C11orf54: variants seen among roughly 807,000 people sequenced by gnomAD.
C11orf54 encodes beta-keto-L-gulonate decarboxylase.
Under a neutral mutation model 35.5 loss-of-function variants are expected in C11orf54, and 29 were observed. That is an observed-to-expected ratio of 0.82 (90% CI 0.61 to 1.11). The LOEUF is 1.11. Ranked by LOEUF, C11orf54 falls within the 50% of genes most tolerant of loss-of-function variation. The pLI, the probability that C11orf54 is intolerant of heterozygous loss-of-function variation, is 0.00. For missense variants in C11orf54, 373 were observed against 369.2 expected, an observed-to-expected ratio of 1.01 and a Z score of -0.08; for synonymous variants, 108 against 121.1, an observed-to-expected ratio of 0.89 and a Z score of 0.71.
chr11:93,763,368 G>A lies in C11orf54; in HGVS notation c.*1680G>A, dbSNP rs1432557563. ...ATGCTATGAAAAGAAAGGAGTAGAT[G>A]GACTGTAAAGGAGGATGCTATTTTT... On this transcript the variant is annotated 3_prime_UTR_variant, in exon 9 of 9. Coordinates refer to ENST00000354421, the MANE Select transcript of C11orf54 (RefSeq NM_001286069.2). 1 of 152,092 alleles carries A rather than the reference G, an allele frequency of 6.6e-6. No individual in the cohort carries two copies. The highest frequency in any genetic ancestry group is 1.5e-5 in the Non-Finnish European group (1 of 68,016). The allele number at this position is 152,092 out of a possible 1,614,324, so 9.4% of individuals were successfully genotyped here.
At chr11:93,744,242 TCCCTAATAAGTAC>T (rs552942492) in intron 1 of C11orf54, among the ~76,000 whole-genome samples, 165 of 152,274 alleles carry the variant, frequency 1.1e-3, no homozygotes, top group Non-Finnish European at 2.0e-3. Context: ...TATCCACTAA[TCCCTAATAAGTAC>T]CCCTAATAAG....
intron 8 of C11orf54, among the ~76,000 whole-genome samples, chr11:93,761,139 A>G (rs183249198): frequency 3.0e-4 from 45 of 152,370 alleles, no homozygotes; most frequent in African/African-American, 1.1e-3. Flanking sequence ...ATGCAGGTAT[A>G]AAAGAATGAG....
rs928426390 is a variant in C11orf54, at chr11:93,763,021, G to C, written c.*1333G>C. 6.6e-6 allele frequency: 1 copy of C among 152,116 alleles called. No homozygotes were observed. The highest frequency in any genetic ancestry group is 1.5e-5 in the Non-Finnish European group (1 of 68,026). The allele number at this position is 152,116 out of a possible 1,614,324, so 9.4% of individuals were successfully genotyped here. ...TTTGGATGTTAGCTATGTCTTGTGA[G>C]TATAAATTCCAATTTTAAGCACTAT... On this transcript the variant is annotated 3_prime_UTR_variant, in exon 9 of 9. Coordinates refer to ENST00000354421, the MANE Select transcript of C11orf54 (RefSeq NM_001286069.2).
intron 5 of C11orf54, among the ~76,000 whole-genome samples, chr11:93,754,690 G>A (rs528245622): frequency 1.3e-5 from 2 of 149,280 alleles, no homozygotes; most frequent in South Asian, 4.2e-4. Context: ...GATATTTAAC[G>A]CAAGTTATAG....
intron 2 of C11orf54, among the ~76,000 whole-genome samples, chr11:93,748,422 ACAGG>A (rs1211887204): frequency 3.3e-5 from 5 of 152,138 alleles, no homozygotes; most frequent in Non-Finnish European, 7.4e-5. Flanking sequence ...TGTTGGGATT[ACAGG>A]CATGAGCCAC....
chr11:93,758,214 C>G (rs943589090), intron 7 of C11orf54, among the ~76,000 whole-genome samples: 1 of 152,160 alleles, frequency 6.6e-6, no homozygotes, highest in Non-Finnish European at 1.5e-5. Flanking sequence ...CGGGTGGGAG[C>G]TGAAGACAGG....
Position 93,754,023 on chromosome 11 carries a change from G to T in C11orf54, c.316G>T (p.Gly106Trp), listed in dbSNP as rs111749614. The change falls in exon 5 of 9, where the codon GGG becomes TGG. Residue 106 changes from glycine (G) to tryptophan (W), a missense_variant. Transcript: ENST00000354421. ...GAGAGPFQTL[G>W]FNSEFMPVIQ... is the part of the protein sequence containing the mutation. The stretch of plus-strand genomic sequence containing the variant: ...AGGAGCAGGTCCATTTCAGACTCTC[G>T]GGTTCAATTCTGAGGTCAGCATATA... The T allele has an allele frequency of 2.5e-6, 4 of 1,613,742 alleles. No individual in the cohort carries two copies. Among genetic ancestry groups the T allele is most frequent in the Non-Finnish European group, 3.4e-6 (4 of 1,179,780 alleles).
At chr11:93,749,097 TTGCGCCATTGTACTC>T (rs1565260458) in intron 2 of C11orf54, among the ~76,000 whole-genome samples, 1 of 150,312 alleles carries the variant, frequency 6.7e-6, no homozygotes, top group African/African-American at 2.5e-5. Context: ...TAAGCCGAGA[TTGCGCCATTGTACTC>T]CAGCCTGGGT....
chr11:93,755,206 TCA>T lies in C11orf54; in HGVS notation c.331-3_331-2del, dbSNP rs1367028541. On this transcript the variant is annotated splice_acceptor_variant and splice_polypyrimidine_tract_variant and intron_variant, in intron 5 of 8. Coordinates refer to ENST00000354421, the MANE Select transcript of C11orf54 (RefSeq NM_001286069.2). LOFTEE classifies it high-confidence loss of function. ...ATTGACTAATTGCCTCACTTTCTTT[TCA>T]GTTTATGCCAGTTATTCAGACAGAA... The T allele has an allele frequency of 6.2e-7, 1 of 1,613,028 alleles. No homozygotes were observed. Among genetic ancestry groups the T allele is most frequent in the Non-Finnish European group, 8.5e-7 (1 of 1,179,462 alleles).
intron 3 of C11orf54, among the ~76,000 whole-genome samples, chr11:93,753,360 A>ATTT (rs35387809): frequency 1.5e-4 from 23 of 151,926 alleles, no homozygotes; most frequent in Admixed American, 1.5e-3. Context: ...CCCAAAATAG[A>ATTT]TTTTTTTTAA....
chr11:93,759,463 AG>A (rs1317452447), intron 7 of C11orf54, among the ~76,000 whole-genome samples: 1 of 152,064 alleles, frequency 6.6e-6, no homozygotes, highest in African/African-American at 2.4e-5. Flanking sequence ...ACATGGACAC[AG>A]GGAGGGGAAC....
intron 7 of C11orf54, among the ~76,000 whole-genome samples, chr11:93,758,805 G>T (rs1050984773): frequency 4.6e-5 from 7 of 152,382 alleles, no homozygotes; most frequent in South Asian, 2.1e-4. Context: ...GTGATCGGCA[G>T]CAGGAGGCAG....
chr11:93,752,967 C>T (rs1176876149), intron 3 of C11orf54, among the ~76,000 whole-genome samples: 2 of 151,892 alleles, frequency 1.3e-5, no homozygotes, highest in Non-Finnish European at 2.9e-5. Context: ...AGGATGGTCG[C>T]GATCTCCTGA....
intron 7 of C11orf54, 75 bp from the exon 8 acceptor site, chr11:93,759,667 T>C: frequency 1.5e-6 from 1 of 675,728 alleles, no homozygotes; most frequent in Non-Finnish European, 2.2e-6. Flanking sequence ...AATAAATAAG[T>C]AAAATATATT....
At position 93,757,432 on chromosome 11, in the gene C11orf54, A is replaced by T. The variant is rs1485754076; in HGVS notation, c.624A>T (p.Ile208=). The T allele has an allele frequency of 1.1e-5, 18 of 1,598,196 alleles. No individual in the cohort carries two copies. The highest frequency in any genetic ancestry group is 1.4e-5 in the Non-Finnish European group (17 of 1,179,764). The change falls in exon 7 of 9, where the codon ATA becomes ATT. Residue 208 remains isoleucine, a synonymous_variant. Coordinates refer to ENST00000354421, the MANE Select transcript of C11orf54 (RefSeq NM_001286069.2). The part of the protein sequence containing the change: ...NKPIGMGGTF[I]IQKGKVKSHI... The stretch of plus-strand genomic sequence containing the variant: ...CTATAGGAATGGGAGGTACTTTCAT[A>T]ATTCAGAAGGGAAAAGTGAAGTCTC...
chr11:93,761,380 C>G (rs1943460757), intron 8 of C11orf54, 135 bp from the exon 9 acceptor site: 1 of 745,680 alleles, frequency 1.3e-6, no homozygotes, highest in African/African-American at 1.8e-5. Flanking sequence ...TCGTTTTGCC[C>G]CCTTTGAATT....
chr11:93,753,560 C>A, intron 3 of C11orf54, 122 bp from the exon 4 acceptor site: 1 of 794,670 alleles, frequency 1.3e-6, no homozygotes, highest in East Asian at 2.7e-5. Flanking sequence ...TCTTCCAATC[C>A]CTGTTATTTG....
At chr11:93,744,167 A>G (rs948522375) in intron 1 of C11orf54, among the ~76,000 whole-genome samples, 2 of 152,222 alleles carry the variant, frequency 1.3e-5, no homozygotes, top group Admixed American at 6.5e-5. Context: ...TAGAACGCAC[A>G]AGTGTCTGTT....
rs1943499224 is a variant in C11orf54, at chr11:93,761,911, A to T, written c.*223A>T. 9.9e-6 allele frequency: 3 copies of T among 302,124 alleles called. No homozygotes were observed. In the Admixed American group the frequency reaches 1.5e-4, roughly 15 times the overall value. The allele number at this position is 302,124 out of a possible 1,614,324, so 18.7% of individuals were successfully genotyped here. A position where few individuals can be genotyped will look rare whatever the true frequency, so the allele number is the denominator to read the frequency against. The stretch of plus-strand genomic sequence containing the variant: ...ATAGCAAGACCCTGTCTATTTTTTT[A>T]AAAAAGTAAAAAATAGAAATTATCT... On this transcript the variant is annotated 3_prime_UTR_variant, in exon 9 of 9. Coordinates refer to ENST00000354421, the MANE Select transcript of C11orf54 (RefSeq NM_001286069.2).
Sources: gnomAD v4.1 joint callset for allele counts (sites outside exome capture counted in the v4.1 genomes callset) on GRCh38, gnomAD v4.1.1 for gene constraint, MANE v1.5 for transcripts, NCBI Gene and HGNC (gene_info 2026-07-23, HGNC 2026-07-21) for gene names.